THADA: variants seen among roughly 807,000 people sequenced by gnomAD.
THADA encodes tRNA (32-2'-O)-methyltransferase regulator THADA.
Under a neutral mutation model 219.8 loss-of-function variants are expected in THADA, and 213 were observed. The observed-to-expected ratio is 0.97, with a 90% confidence interval of 0.87 to 1.09. The LOEUF (loss-of-function observed/expected upper bound fraction) is 1.09, where lower values mean the gene tolerates loss of function less well. THADA is among the 50% of genes least tolerant of loss of function. The probability of loss-of-function intolerance (pLI) is 0.00; values close to 1 mark genes in which losing one functional copy is unlikely to be tolerated. For synonymous variants in THADA, 1,018 were observed against 828.9 expected (o/e 1.23, Z -3.92); for missense variants, 2,956 against 2,311.3 (o/e 1.28, Z -5.72).
At chr2:43,570,272 A>G in intron 14 of THADA, 116 bp downstream of exon 14, 1 of 1,098,822 alleles carries the variant, frequency 9.1e-7, no homozygotes, top group Non-Finnish European at 1.3e-6. Flanking sequence ...AGCTTGAAGG[A>G]AAAAAACACA....
Position 43,515,090 on chromosome 2 carries a change from ATATATTATATAT to A in THADA, c.3375-6322_3375-6311del, listed in dbSNP as rs1691266894. Among the ~76,000 whole-genome samples, 2 of 13,630 alleles carry A rather than the reference ATATATTATATAT, an allele frequency of 1.5e-4. 1 individual carries two copies. The highest frequency in any genetic ancestry group is 4.7e-4 in the African/African-American group (2 of 4,294). 8.9% of individuals were successfully genotyped at this position (13,630 alleles called of 152,430 possible). ...TTTTATATATAATATATATAAATATATATATTATATATAATATATTTTATATATAATATATTT... is the reference window on the plus strand; with the variant it reads ...TTTTATATATAATATATATAAATATAAATATATTTTATATATAATATATTT... On this transcript the variant is annotated intron_variant, in intron 22 of 37. Transcript: ENST00000405975.
At chr2:43,295,924 T>TTG in intron 31 of THADA, among the ~76,000 whole-genome samples, 1 of 150,106 alleles carries the variant, frequency 6.7e-6, no homozygotes, top group Non-Finnish European at 1.5e-5. Flanking sequence ...TACTGTTTTT[T>TTG]TTTTTTTTTT....
chr2:43,587,881 A>G lies in THADA; in HGVS notation c.303-879T>C, dbSNP rs150663657. 1.7e-3 allele frequency among the ~76,000 whole-genome samples: 259 copies of G among 152,318 alleles called. 1 individual carries two copies. The highest frequency in any genetic ancestry group is 5.6e-3 in the African/African-American group (234 of 41,578). On this transcript the variant is annotated intron_variant, in intron 4 of 37. Transcript: ENST00000405975. ...AATTTATCAAATGAGTAAATTAAACATATCAATTTTGCCTCAATTTATATA... is the reference window on the plus strand; with the variant it reads ...AATTTATCAAATGAGTAAATTAAACGTATCAATTTTGCCTCAATTTATATA...
chr2:43,248,044 A>C (rs374871617), intron 36 of THADA, among the ~76,000 whole-genome samples: 72 of 147,788 alleles, frequency 4.9e-4, no homozygotes, highest in African/African-American at 1.7e-3. Flanking sequence ...CCCTATCTTA[A>C]AGCAAAACAA....
At chr2:43,265,083 T>A (rs1316995544) in intron 36 of THADA, among the ~76,000 whole-genome samples, 1 of 152,170 alleles carries the variant, frequency 6.6e-6, no homozygotes, top group East Asian at 1.9e-4. Flanking sequence ...AGAACAAGAT[T>A]CCTGCTAGTT....
At chr2:43,394,937 T>C (rs75525422) in intron 29 of THADA, among the ~76,000 whole-genome samples, 2 of 152,246 alleles carry the variant, frequency 1.3e-5, no homozygotes, top group African/African-American at 2.4e-5. Context: ...CCCAGGGTTC[T>C]AGGGTTTTAA....
At chr2:43,285,028 C>A (rs1468104434) in intron 35 of THADA, among the ~76,000 whole-genome samples, 1 of 152,214 alleles carries the variant, frequency 6.6e-6, no homozygotes, top group Non-Finnish European at 1.5e-5. Context: ...ACCTGTACCC[C>A]CATTGTATCT....
intron 31 of THADA, among the ~76,000 whole-genome samples, chr2:43,300,215 A>T (rs1249527087): frequency 1.3e-5 from 2 of 151,936 alleles, no homozygotes; most frequent in African/African-American, 4.8e-5. Context: ...GGCTCACTGC[A>T]ACCTCCGCCT....
intron 29 of THADA, among the ~76,000 whole-genome samples, chr2:43,370,817 G>C (rs959119249): frequency 1.3e-5 from 2 of 152,180 alleles, no homozygotes; most frequent in African/African-American, 4.8e-5. Context: ...CTGAAACTCA[G>C]TAGATTTCAA....
Position 43,230,924 on chromosome 2 carries a change from C to CCA in THADA, c.*22_*23dup. 6.3e-7 allele frequency: 1 copy of CCA among 1,585,704 alleles called. No homozygotes were observed. Among genetic ancestry groups the CCA allele is most frequent in the Non-Finnish European group, 8.6e-7 (1 of 1,162,510 alleles). On this transcript the variant is annotated 3_prime_UTR_variant, in exon 38 of 38. Coordinates refer to ENST00000405975, the MANE Select transcript of THADA (RefSeq NM_022065.5). ...GTGGAGGAAAAATCCACACATACCC[C>CCA]CATCCCAATCCCCCAGATTTTCTTC...
At chr2:43,289,916 A>G (rs1419573126) in intron 34 of THADA, among the ~76,000 whole-genome samples, 1 of 149,912 alleles carries the variant, frequency 6.7e-6, no homozygotes, top group East Asian at 2.0e-4. Flanking sequence ...AGCCTCCCAA[A>G]GTGCTAGGAT....
chr2:43,405,718 G>C (rs910674111), intron 28 of THADA, among the ~76,000 whole-genome samples: 2 of 152,154 alleles, frequency 1.3e-5, no homozygotes, highest in South Asian at 4.1e-4. Flanking sequence ...TGGGTAGTAA[G>C]GAGAAAATAA....
chr2:43,435,829 G>GTTTTTTTA (rs1279999626), intron 26 of THADA, among the ~76,000 whole-genome samples: 1 of 150,592 alleles, frequency 6.6e-6, no homozygotes, highest in Non-Finnish European at 1.5e-5. Flanking sequence ...AATGCATGAG[G>GTTTTTTTA]GTTTTTTTTT....
chr2:43,379,209 A>G (rs905428488), intron 29 of THADA, among the ~76,000 whole-genome samples: 1 of 152,166 alleles, frequency 6.6e-6, no homozygotes, highest in Non-Finnish European at 1.5e-5. Context: ...AGGAGAAAAT[A>G]AGGATAATAT....
At chr2:43,357,921 A>G (rs1030773307) in intron 29 of THADA, among the ~76,000 whole-genome samples, 1 of 152,178 alleles carries the variant, frequency 6.6e-6, no homozygotes, top group African/African-American at 2.4e-5. Context: ...AAGTTTTGAA[A>G]TTGTAGACTC....
intron 26 of THADA, among the ~76,000 whole-genome samples, chr2:43,437,251 C>T (rs1680240431): frequency 6.6e-6 from 1 of 152,188 alleles, no homozygotes; most frequent in South Asian, 2.1e-4. Context: ...GACTTCCAAT[C>T]TACAGGTTAA....
chr2:43,254,420 G>A (rs566097641), intron 36 of THADA, among the ~76,000 whole-genome samples: 50 of 151,998 alleles, frequency 3.3e-4, no homozygotes, highest in Non-Finnish European at 5.3e-4. Flanking sequence ...ACACGATCCA[G>A]TATGCCTCCC....
intron 29 of THADA, chr2:43,371,817 G>A (rs1345580688): frequency 6.6e-6 from 1 of 152,012 alleles, no homozygotes; most frequent in Non-Finnish European, 1.5e-5. Context: ...TGCTTAGAGG[G>A]TCCGCTATTT....
In THADA at chr2:43,279,021, C is replaced by G. The variant is rs75525409; in HGVS notation, c.5296+744G>C. Among the ~76,000 whole-genome samples, 447 of 152,298 alleles carry G rather than the reference C, an allele frequency of 2.9e-3. 3 individuals are homozygous for G. Among genetic ancestry groups the G allele is most frequent in the African/African-American group, 0.01 (432 of 41,552 alleles). Reference sequence around the variant, plus strand: ...GAATCCGAGTCTGCTAAAGCAGGCACCCTCCCAGATGGCCACTTGTCCAGA... The same window carrying G: ...GAATCCGAGTCTGCTAAAGCAGGCAGCCTCCCAGATGGCCACTTGTCCAGA... On this transcript the variant is annotated intron_variant, in intron 36 of 37. Transcript: ENST00000405975.
Sources: gnomAD v4.1 joint callset for allele counts (sites outside exome capture counted in the v4.1 genomes callset) on GRCh38, gnomAD v4.1.1 for gene constraint, MANE v1.5 for transcripts, NCBI Gene and HGNC (gene_info 2026-07-23, HGNC 2026-07-21) for gene names.